The following AADACL4 variants were observed in gnomAD, a reference collection of about 807,000 sequenced individuals.
AADACL4 encodes the protein arylacetamide deacetylase like 4.
AADACL4 carries 9 observed loss-of-function variants against 14.1 expected under a neutral mutation model. The ratio of observed to expected loss-of-function variants is 0.64; its 90% CI spans 0.39 to 1.12. The LOEUF (loss-of-function observed/expected upper bound fraction) is 1.12. Among genes scored for constraint, AADACL4 ranks in the 50% most tolerant of loss-of-function variants. The pLI is 0.01. For missense variants in AADACL4, 531 were observed against 516.1 expected, an observed-to-expected ratio of 1.03 and a Z score of -0.28; for synonymous variants, 188 against 201.6, an observed-to-expected ratio of 0.93 and a Z score of 0.57.
At chr1:12,662,136 C>A (rs1647238842) in intron 3 of AADACL4, among the ~76,000 whole-genome samples, 1 of 152,096 alleles carries the variant, frequency 6.6e-6, no homozygotes, top group African/African-American at 2.4e-5. Context: ...AATAAATGAA[C>A]TAGAAAGGTG....
At chr1:12,658,690 C>T (rs1275917483) in intron 2 of AADACL4, among the ~76,000 whole-genome samples, 1 of 147,310 alleles carries the variant, frequency 6.8e-6, no homozygotes, top group African/African-American at 2.6e-5. Flanking sequence ...GGCGCTGATG[C>T]TGCCCTGCCC....
At chr1:12,664,001 T>C (rs1647271400) in intron 3 of AADACL4, among the ~76,000 whole-genome samples, 1 of 152,136 alleles carries the variant, frequency 6.6e-6, no homozygotes, top group Non-Finnish European at 1.5e-5. Context: ...AAAGATGAGG[T>C]GTTAACTTTT....
chr1:12,647,923 G>A (rs1647121319), intron 1 of AADACL4, among the ~76,000 whole-genome samples: 1 of 152,018 alleles, frequency 6.6e-6, no homozygotes, highest in Non-Finnish European at 1.5e-5. Flanking sequence ...CTCCCAAACT[G>A]TTAGGATTAC....
intron 3 of AADACL4, among the ~76,000 whole-genome samples, chr1:12,665,507 G>A (rs1041802909): frequency 6.6e-6 from 1 of 152,220 alleles, no homozygotes; most frequent in Admixed American, 6.5e-5. Flanking sequence ...TTACAGGCAT[G>A]AGTCACCGTG....
In AADACL4 at chr1:12,644,601, G is replaced by T. The variant is rs772628879; in HGVS notation, c.55G>T (p.Val19Phe). ...GGCATTGCCCATCTTTTTCCTGGGGGTCTTTGTCTGGGCTGTCTTTGAGCA... is the reference window on the plus strand; with the variant it reads ...GGCATTGCCCATCTTTTTCCTGGGGTTCTTTGTCTGGGCTGTCTTTGAGCA... ...LLALPIFFLG[V>F]FVWAVFEHFL... The change falls in exon 1 of 4, where the codon GTC becomes TTC. Residue 19 changes from valine (V) to phenylalanine (F), a missense_variant. Physicochemically the swap from Val to Phe is conservative, Grantham distance 50. Transcript: ENST00000376221. 5.6e-6 allele frequency: 9 copies of T among 1,613,992 alleles called. No individual in the cohort carries two copies. The East Asian group carries it at 1.3e-4, about 24-fold the overall frequency.
At chr1:12,658,406 G>A (rs140974044) in intron 2 of AADACL4, among the ~76,000 whole-genome samples, 301 of 152,066 alleles carry the variant, frequency 2.0e-3, no homozygotes, top group African/African-American at 6.4e-3. Flanking sequence ...TTACAGGCGC[G>A]TGCCACCACA....
intron 1 of AADACL4, among the ~76,000 whole-genome samples, chr1:12,650,767 A>C (rs1365833944): frequency 6.6e-6 from 1 of 152,108 alleles, no homozygotes; most frequent in Admixed American, 6.5e-5. Flanking sequence ...TCTTGACCTC[A>C]TGAGCCGTCC....
chr1:12,661,758 T>G (rs1412987550), intron 2 of AADACL4, 33 bp from the exon 3 acceptor site: 1 of 1,608,864 alleles, frequency 6.2e-7, no homozygotes, highest in African/African-American at 1.3e-5. Flanking sequence ...GTCCTACTCA[T>G]GCGCTGCTGC....
intron 2 of AADACL4, among the ~76,000 whole-genome samples, chr1:12,655,448 G>C (rs1390632266): frequency 6.6e-6 from 1 of 151,840 alleles, no homozygotes; most frequent in Non-Finnish European, 1.5e-5. Context: ...GGTGTCCCCT[G>C]CCTTCAGAGC....
At chr1:12,657,214 A>G (rs1282595104) in intron 2 of AADACL4, among the ~76,000 whole-genome samples, 2 of 151,762 alleles carry the variant, frequency 1.3e-5, no homozygotes, top group African/African-American at 4.8e-5. Context: ...AAAATTTCTC[A>G]TCTCTGCTTG....
intron 2 of AADACL4, among the ~76,000 whole-genome samples, chr1:12,654,595 G>A (rs1313118147): frequency 1.3e-5 from 2 of 152,140 alleles, no homozygotes; most frequent in Admixed American, 1.3e-4. Context: ...GGATGGCTAG[G>A]AAGTCCCATC....
chr1:12,665,514 C>A (rs904598988), intron 3 of AADACL4, among the ~76,000 whole-genome samples: 1 of 152,118 alleles, frequency 6.6e-6, no homozygotes, highest in Admixed American at 6.5e-5. Flanking sequence ...CATGAGTCAC[C>A]GTGCCCGGCC....
chr1:12,652,717 G>A (rs929075380), intron 2 of AADACL4, among the ~76,000 whole-genome samples: 3 of 151,944 alleles, frequency 2.0e-5, no homozygotes, highest in African/African-American at 7.2e-5. Flanking sequence ...TCGGAACTGT[G>A]GTGCCACCCA....
intron 3 of AADACL4, among the ~76,000 whole-genome samples, chr1:12,664,082 C>T (rs751777598): frequency 6.6e-6 from 1 of 152,026 alleles, no homozygotes; most frequent in Non-Finnish European, 1.5e-5. Context: ...CCTAGAGTTC[C>T]CTGTGATGCC....
chr1:12,645,060 CCCTT>C (rs916438347), intron 1 of AADACL4, among the ~76,000 whole-genome samples: 4 of 147,942 alleles, frequency 2.7e-5, no homozygotes, highest in South Asian at 4.5e-4. Context: ...TTCCCTCCCT[CCCTT>C]CCTTCCTTCC....
rs148670958 is a variant in AADACL4 at position 12,666,225 on chromosome 1, C to A, written c.714C>A (p.Asn238Lys). The A allele has an allele frequency of 5.0e-6, 8 of 1,614,136 alleles. No individual in the cohort carries two copies. Among genetic ancestry groups the A allele is most frequent in the Non-Finnish European group, 6.8e-6 (8 of 1,180,058 alleles). ...FCLQLPSFQQ[N>K]QNVPLLSRKF... ...TGCAGTTGCCATCCTTTCAGCAGAA[C>A]CAAAATGTCCCATTACTTTCCCGGA... Residue 238 changes from asparagine (N) to lysine (K), a missense_variant, in exon 4 of 4, where the codon AAC (asparagine) becomes AAA (lysine). Physicochemically the swap from Asn to Lys is moderately conservative, Grantham distance 94. Transcript: ENST00000376221.
chr1:12,653,976 G>C (rs926087442), intron 2 of AADACL4, among the ~76,000 whole-genome samples: 3 of 152,160 alleles, frequency 2.0e-5, no homozygotes, highest in African/African-American at 7.2e-5. Flanking sequence ...CTCATGCCAA[G>C]GGATTTACAA....
intron 2 of AADACL4, among the ~76,000 whole-genome samples, chr1:12,655,552 C>A (rs1647175738): frequency 6.6e-6 from 1 of 151,802 alleles, no homozygotes; most frequent in Admixed American, 6.6e-5. Flanking sequence ...TCCAGTGTCC[C>A]AGCTTTTCAC....
intron 1 of AADACL4, among the ~76,000 whole-genome samples, chr1:12,647,801 G>T (rs947804147): frequency 6.6e-6 from 1 of 151,906 alleles, no homozygotes; most frequent in Non-Finnish European, 1.5e-5. Context: ...GACTATAGGC[G>T]CCTGCCACCA....
Sources: allele counts gnomAD v4.1 joint callset (sites outside exome capture counted in the v4.1 genomes callset), GRCh38; gene constraint gnomAD v4.1.1; transcripts MANE v1.5; gene names NCBI Gene and HGNC (gene_info 2026-07-23, HGNC 2026-07-21).